Variants in SIPA1L2 observed in about 807,000 individuals in gnomAD.
SIPA1L2 encodes the protein signal induced proliferation associated 1 like 2, also known as signal-induced proliferation-associated 1-like protein 2.
Under a neutral mutation model 163.9 loss-of-function variants are expected in SIPA1L2, and 56 were observed. That is an observed-to-expected ratio of 0.34 (90% CI 0.28 to 0.43). The LOEUF (loss-of-function observed/expected upper bound fraction) is 0.43, where lower values mean the gene tolerates loss of function less well. SIPA1L2 is among the 20% of genes least tolerant of loss of function. The pLI is 1.00. For synonymous variants in SIPA1L2, 877 were observed against 865.7 expected, an observed-to-expected ratio of 1.01 and a Z score of -0.23; for missense variants, 1,974 against 2,193.5, an observed-to-expected ratio of 0.90 and a Z score of 2.00.
intron 1 of SIPA1L2, among the ~76,000 whole-genome samples, chr1:232,603,148 G>C (rs1661694260): frequency 6.6e-6 from 1 of 152,192 alleles, no homozygotes; most frequent in Admixed American, 6.5e-5. Context: ...GTCCTATGTT[G>C]ACAGTGACAG....
At chr1:232,540,239 C>T (rs1032549162) in intron 2 of SIPA1L2, among the ~76,000 whole-genome samples, 5 of 151,946 alleles carry the variant, frequency 3.3e-5, no homozygotes, top group East Asian at 1.9e-4. Flanking sequence ...GGGAGGTGGA[C>T]GTTGCAGTGG....
chr1:232,429,886 T>A (rs1662126743), intron 16 of SIPA1L2, among the ~76,000 whole-genome samples: 1 of 152,178 alleles, frequency 6.6e-6, no homozygotes, highest in Admixed American at 6.5e-5. Context: ...AAATCCCAGG[T>A]CCTACCAATA....
At chr1:232,480,734 C>A (rs1336423938) in intron 6 of SIPA1L2, among the ~76,000 whole-genome samples, 1 of 152,122 alleles carries the variant, frequency 6.6e-6, no homozygotes, top group East Asian at 1.9e-4. Context: ...TTTTAAGCAA[C>A]AAGAAACAGT....
intron 21 of SIPA1L2, 55 bp from the exon 22 acceptor site, chr1:232,402,528 G>GAGAGTCAATCGAGCATTTTTT: frequency 6.6e-7 from 1 of 1,512,482 alleles, no homozygotes; most frequent in Non-Finnish European, 9.1e-7. Context: ...GAGCATTTTT[G>GAGAGTCAATCGAGCATTTTTT]TTGGTCAAGT....
At chr1:232,480,948 ACT>A (rs1442812107) in intron 6 of SIPA1L2, among the ~76,000 whole-genome samples, 1 of 152,098 alleles carries the variant, frequency 6.6e-6, no homozygotes, top group Non-Finnish European at 1.5e-5. Context: ...AGACCTGAAA[ACT>A]CTTTAGAAAA....
rs576412635 is a variant in SIPA1L2 at position 232,439,217 on chromosome 1, C to G, written c.3922G>C (p.Asp1308His). Residue 1308 changes from aspartate to histidine, a missense_variant, in exon 15 of 23, where the codon GAC becomes CAC. By Grantham distance (81) the Asp-to-His change is moderately conservative (BLOSUM62 -1). Around this residue, in one of 3 missense-constraint regions of SIPA1L2, gnomAD observed 1,079 missense variants for 1,150.7 expected, o/e 0.94. Transcript: ENST00000674635. ...ADAADVSGPD[D>H]EPAKLYSVHG... ...ACAGAATATAACTTGGCTGGCTCGT[C>G]GTCAGGCCCAGAGACGTCGGCAGCA... 3.7e-6 allele frequency: 6 copies of G among 1,613,824 alleles called. No homozygotes were observed. Among genetic ancestry groups the G allele is most frequent in the Non-Finnish European group, 3.4e-6 (4 of 1,180,040 alleles).
intron 1 of SIPA1L2, among the ~76,000 whole-genome samples, chr1:232,624,092 A>G (rs1662951624): frequency 6.6e-6 from 1 of 152,222 alleles, no homozygotes; most frequent in South Asian, 2.1e-4. Context: ...TATATTATAC[A>G]TATACACACA....
At chr1:232,412,899 AT>A in intron 19 of SIPA1L2, among the ~76,000 whole-genome samples, 1 of 152,356 alleles carries the variant, frequency 6.6e-6, no homozygotes. Context: ...CTCCTTCCAC[AT>A]TATTTTATCA....
At chr1:232,463,737 T>C (rs1244627063) in intron 9 of SIPA1L2, among the ~76,000 whole-genome samples, 9 of 152,216 alleles carry the variant, frequency 5.9e-5, no homozygotes, top group Admixed American at 6.5e-5. Context: ...CTCACCAGTA[T>C]AATTCAAGTC....
At chr1:232,423,278 A>C (rs1005369396) in intron 18 of SIPA1L2, among the ~76,000 whole-genome samples, 5 of 152,154 alleles carry the variant, frequency 3.3e-5, no homozygotes, top group Non-Finnish European at 5.9e-5. Flanking sequence ...TTTTCAACTT[A>C]TGGTGGGTTT....
At chr1:232,477,227 T>C (rs1665094006) in intron 7 of SIPA1L2, among the ~76,000 whole-genome samples, 1 of 152,198 alleles carries the variant, frequency 6.6e-6, no homozygotes, top group Non-Finnish European at 1.5e-5. Flanking sequence ...TTCAGAGTCT[T>C]AGTTTTTCAT....
At chr1:232,466,070 TACAGGGGGTAAC>T (rs1664497374) in intron 8 of SIPA1L2, among the ~76,000 whole-genome samples, 1 of 152,064 alleles carries the variant, frequency 6.6e-6, no homozygotes, top group Non-Finnish European at 1.5e-5. Context: ...ACCAAACTAA[TACAGGGGGTAAC>T]ACATCCACAG....
chr1:232,490,440 G>A (rs1235122948), intron 5 of SIPA1L2, among the ~76,000 whole-genome samples: 1 of 152,074 alleles, frequency 6.6e-6, no homozygotes, highest in Non-Finnish European at 1.5e-5. Context: ...CATAGGCCAG[G>A]GACTAGGTCT....
Position 232,428,819 on chromosome 1 carries a change from T to A in SIPA1L2, c.4257-255A>T, listed in dbSNP as rs568458427. Among the ~76,000 whole-genome samples the A allele has an allele frequency of 8.3e-4, 127 of 152,216 alleles. No homozygotes were observed. The Middle Eastern group carries it at 0.017, about 20-fold the overall frequency. ...ATCCCCAAAGCCCAGGATGAAAAAA[T>A]TACACAGCCAACTTTTAAAATACGG... On this transcript the variant is annotated intron_variant, in intron 16 of 22. Transcript: ENST00000674635.
rs114480016 is a variant in SIPA1L2, at chr1:232,467,894, G to A, written c.2244-2478C>T. On this transcript the variant is annotated intron_variant, in intron 8 of 22. Coordinates refer to ENST00000674635, the MANE Select transcript of SIPA1L2 (RefSeq NM_020808.5). ...GTCACATAGTAAATAAGAGAGACAT[G>A]GTGACTCCATTATATAGTAGGGAAA... Among the ~76,000 whole-genome samples the A allele has an allele frequency of 4.6e-3, 707 of 152,282 alleles. 8 individuals are homozygous for A. The highest frequency in any genetic ancestry group is 0.016 in the African/African-American group (677 of 41,568).
chr1:232,514,611 G>A lies in SIPA1L2; in HGVS notation c.729C>T (p.Ser243=), dbSNP rs1667136775. 2 of 1,614,196 alleles carry A rather than the reference G, an allele frequency of 1.2e-6. No individual in the cohort carries two copies. The highest frequency in any genetic ancestry group is 1.7e-6 in the Non-Finnish European group (2 of 1,180,036). The change falls in exon 3 of 23, where the codon AGC becomes AGT. Residue 243 remains serine (S), a synonymous_variant. Transcript: ENST00000674635. ...TAGAAATCTGTGCTGCTGCATGAAG[G>A]CTCGGAGAGATTGCAGGGTCACAGC... ...FFRCDPAISP[S]LHAAAQISRG...
intron 2 of SIPA1L2, among the ~76,000 whole-genome samples, chr1:232,533,021 G>T (rs1657073295): frequency 6.6e-6 from 1 of 152,200 alleles, no homozygotes. Context: ...TTTTGAAAAT[G>T]AGATTCTAGA....
At chr1:232,449,301 G>A (rs1422667776) in intron 10 of SIPA1L2, among the ~76,000 whole-genome samples, 1 of 151,862 alleles carries the variant, frequency 6.6e-6, no homozygotes, top group Non-Finnish European at 1.5e-5. Flanking sequence ...GGCGGATCAC[G>A]AGGTCAGGAG....
At chr1:232,420,647 A>G (rs1045322903) in intron 18 of SIPA1L2, among the ~76,000 whole-genome samples, 2 of 152,108 alleles carry the variant, frequency 1.3e-5, no homozygotes, top group African/African-American at 4.8e-5. Context: ...CATCCTGGCT[A>G]ACACGGTGAA....
Sources: gnomAD v4.1 joint callset for allele counts (sites outside exome capture counted in the v4.1 genomes callset) on GRCh38, gnomAD v4.1.1 for gene constraint, gnomAD v4.1.1 regional missense constraint, MANE v1.5 for transcripts, NCBI Gene and HGNC (gene_info 2026-07-23, HGNC 2026-07-21) for gene names.